Variants in SAMMSON observed in about 807,000 individuals in gnomAD.
The protein encoded by SAMMSON is long intergenic non-protein coding RNA 1212.
intron 7 of SAMMSON, among the ~76,000 whole-genome samples, chr3:70,311,094 A>G (rs960785092): frequency 7.9e-5 from 12 of 152,224 alleles, no homozygotes; most frequent in Non-Finnish European, 1.5e-4. Flanking sequence ...AATTAACATG[A>G]CATATTTATT....
intron 9 of SAMMSON, among the ~76,000 whole-genome samples, chr3:70,362,258 T>C (rs977995772): frequency 6.6e-6 from 1 of 152,162 alleles, no homozygotes; most frequent in Admixed American, 6.5e-5. Flanking sequence ...ACCTAACAGA[T>C]CAAGTCCAAG....
chr3:70,040,773 G>A (rs1245116680), intron 3 of SAMMSON, among the ~76,000 whole-genome samples: 2 of 152,110 alleles, frequency 1.3e-5, no homozygotes, highest in Non-Finnish European at 2.9e-5. Flanking sequence ...AGGGAGGTGA[G>A]TAAATGGAAT....
intron 7 of SAMMSON, among the ~76,000 whole-genome samples, chr3:70,339,747 G>A (rs1702695713): frequency 6.6e-6 from 1 of 152,070 alleles, no homozygotes; most frequent in African/African-American, 2.4e-5. Context: ...TAAAAAGTCA[G>A]GAAACAACAG....
At chr3:70,223,294 ACT>A (rs1300879802) in intron 4 of SAMMSON, among the ~76,000 whole-genome samples, 1 of 151,934 alleles carries the variant, frequency 6.6e-6, no homozygotes, top group African/African-American at 2.4e-5. Context: ...CACAGTCAAG[ACT>A]CAACTCACTT....
chr3:70,200,785 T>A (rs1292673097), intron 4 of SAMMSON, among the ~76,000 whole-genome samples: 1 of 152,200 alleles, frequency 6.6e-6, no homozygotes, highest in Non-Finnish European at 1.5e-5. Context: ...ATTTTTTAGA[T>A]GCAAGGACTA....
chr3:70,065,429 G>A (rs748221956), intron 3 of SAMMSON: 7 of 152,070 alleles, frequency 4.6e-5, no homozygotes, highest in Non-Finnish European at 8.8e-5. Context: ...GATACAGTCT[G>A]TTGGGCCAAA....
intron 1 of SAMMSON, among the ~76,000 whole-genome samples, chr3:70,011,029 A>C (rs2066952783): frequency 6.6e-6 from 1 of 152,108 alleles, no homozygotes; most frequent in Non-Finnish European, 1.5e-5. Context: ...ATTACAATTC[A>C]AGGTGAGAGC....
At chr3:70,308,832 G>A (rs1329153443) in intron 7 of SAMMSON, among the ~76,000 whole-genome samples, 1 of 152,066 alleles carries the variant, frequency 6.6e-6, no homozygotes, top group East Asian at 1.9e-4. Context: ...CCTGTTGCTT[G>A]CATGTTCACT....
chr3:70,335,053 C>G (rs1174017355), intron 7 of SAMMSON, among the ~76,000 whole-genome samples: 3 of 66,304 alleles, frequency 4.5e-5, no homozygotes, highest in Non-Finnish European at 9.1e-5. Context: ...CATAAACCTA[C>G]TGCTTTGGGG....
chr3:70,094,305 T>C (rs1176960466), intron 4 of SAMMSON, among the ~76,000 whole-genome samples: 1 of 152,160 alleles, frequency 6.6e-6, no homozygotes, highest in Non-Finnish European at 1.5e-5. Context: ...CAGACATCTA[T>C]TATTGACTCC....
At chr3:70,307,213 A>G (rs537913748) in intron 7 of SAMMSON, among the ~76,000 whole-genome samples, 3 of 152,128 alleles carry the variant, frequency 2.0e-5, no homozygotes, top group East Asian at 3.9e-4. Flanking sequence ...TGGTGTTGTT[A>G]TTGTTGTTGT....
chr3:70,071,350 T>C (rs1201923098), intron 3 of SAMMSON: 1 of 152,144 alleles, frequency 6.6e-6, no homozygotes, highest in Non-Finnish European at 1.5e-5. Context: ...ATTCTCATTA[T>C]GTTCTATGAA....
intron 7 of SAMMSON, among the ~76,000 whole-genome samples, chr3:70,313,407 G>T (rs1352760949): frequency 6.6e-6 from 1 of 151,830 alleles, no homozygotes; most frequent in Non-Finnish European, 1.5e-5. Context: ...GAGCCTAGGA[G>T]GTCGGGGCAG....
chr3:70,283,231 T>C (rs1234925208), intron 6 of SAMMSON, among the ~76,000 whole-genome samples: 4 of 152,068 alleles, frequency 2.6e-5, no homozygotes, highest in African/African-American at 9.7e-5. Context: ...GACACTGAAA[T>C]AGATTTGCGG....
At chr3:70,199,701 T>C (rs979596617) in intron 4 of SAMMSON, among the ~76,000 whole-genome samples, 4 of 152,222 alleles carry the variant, frequency 2.6e-5, no homozygotes, top group African/African-American at 9.6e-5. Context: ...TTTGCAACTG[T>C]TTGAAAAGAG....
At chr3:70,190,877 T>C (rs1701127064) in intron 4 of SAMMSON, among the ~76,000 whole-genome samples, 1 of 152,150 alleles carries the variant, frequency 6.6e-6, no homozygotes, top group Non-Finnish European at 1.5e-5. Context: ...CATGCCCACA[T>C]TGGCAATTAT....
chr3:70,286,293 C>A (rs965442574), intron 6 of SAMMSON, among the ~76,000 whole-genome samples: 1 of 152,134 alleles, frequency 6.6e-6, no homozygotes, highest in African/African-American at 2.4e-5. Context: ...CCAGTTTTCC[C>A]AGCACCGTTT....
intron 2 of SAMMSON, among the ~76,000 whole-genome samples, chr3:70,402,840 T>C (rs1481310018): frequency 2.0e-5 from 3 of 151,970 alleles, no homozygotes; most frequent in Non-Finnish European, 2.9e-5. Flanking sequence ...CCAGCATGAG[T>C]GAGAGAGCAA....
At chr3:70,364,745 A>G (rs1702906653) in intron 9 of SAMMSON, among the ~76,000 whole-genome samples, 1 of 151,862 alleles carries the variant, frequency 6.6e-6, no homozygotes, top group South Asian at 2.1e-4. Flanking sequence ...CTGAAAATGC[A>G]GATGGTACAT....
Sources: gnomAD v4.1 joint callset for allele counts (sites outside exome capture counted in the v4.1 genomes callset) on GRCh38, gnomAD v4.1.1 for gene constraint, MANE v1.5 for transcripts, NCBI Gene and HGNC (gene_info 2026-07-23, HGNC 2026-07-21) for gene names.